RHOJ: variants seen among roughly 807,000 people sequenced by gnomAD.
RHOJ encodes rho-related GTP-binding protein RhoJ.
RHOJ carries 11 observed loss-of-function variants against 23.4 expected under a neutral mutation model. That is an observed-to-expected ratio of 0.47 (90% CI 0.30 to 0.78). The LOEUF (loss-of-function observed/expected upper bound fraction) is 0.78. RHOJ is among the 30% of genes least tolerant of loss of function. The pLI is 0.08. For synonymous variants in RHOJ, 102 were observed against 102.7 expected, an observed-to-expected ratio of 0.99 and a Z score of 0.04; for missense variants, 254 against 273.4, an observed-to-expected ratio of 0.93 and a Z score of 0.50.
chr14:63,283,963 T>C (rs1317725051), intron 4 of RHOJ, among the ~76,000 whole-genome samples: 3 of 152,162 alleles, frequency 2.0e-5, no homozygotes. Flanking sequence ...ACGTGCTTTA[T>C]GCAAGAGGAG....
intron 1 of RHOJ, among the ~76,000 whole-genome samples, chr14:63,231,878 T>A (rs907013499): frequency 6.6e-6 from 1 of 152,228 alleles, no homozygotes; most frequent in Admixed American, 6.5e-5. Flanking sequence ...CTATGCTCAG[T>A]TTCCTATATC....
chr14:63,258,449 AATAT>A (rs35755497), intron 1 of RHOJ, among the ~76,000 whole-genome samples: 4 of 148,822 alleles, frequency 2.7e-5, no homozygotes, highest in African/African-American at 4.9e-5. Flanking sequence ...AACTGTTTAA[AATAT>A]ATATATATAT....
intron 1 of RHOJ, among the ~76,000 whole-genome samples, chr14:63,210,450 G>A (rs562745437): frequency 5.1e-4 from 77 of 152,268 alleles, no homozygotes; most frequent in African/African-American, 1.8e-3. Flanking sequence ...CCTAAGTTCG[G>A]CTGACGGCTA....
chr14:63,240,055 A>T lies in RHOJ; in HGVS notation c.179-29055A>T, dbSNP rs1894856347. On this transcript the variant is annotated intron_variant, in intron 1 of 4. Coordinates refer to ENST00000316754, the MANE Select transcript of RHOJ (RefSeq NM_020663.5). ...TTATATTTTATTTCACATGGTAAAT[A>T]CTCTGTAAATATGGTAGAATGAGAA... is the stretch of plus-strand genomic sequence containing the variant. Among the ~76,000 whole-genome samples, 3 of 152,192 alleles carry T rather than the reference A, an allele frequency of 2.0e-5. No homozygotes were observed. In the South Asian group the frequency reaches 6.2e-4, roughly 32 times the overall value.
chr14:63,286,848 G>C (rs541100142), intron 4 of RHOJ, among the ~76,000 whole-genome samples: 79 of 152,320 alleles, frequency 5.2e-4, no homozygotes, highest in Non-Finnish European at 5.4e-4. Flanking sequence ...CAGCAAATCT[G>C]TCTGGCCTAG....
At chr14:63,216,494 C>A (rs556562112) in intron 1 of RHOJ, among the ~76,000 whole-genome samples, 2 of 152,260 alleles carry the variant, frequency 1.3e-5, no homozygotes, top group Admixed American at 6.5e-5. Flanking sequence ...TGTTCACATT[C>A]ATTAATAATG....
intron 1 of RHOJ, among the ~76,000 whole-genome samples, chr14:63,232,513 T>C (rs1894712880): frequency 6.6e-6 from 1 of 152,134 alleles, no homozygotes. Flanking sequence ...TGCACCCTGG[T>C]TCCTTGCAAG....
At chr14:63,220,067 C>T (rs1385327526) in intron 1 of RHOJ, among the ~76,000 whole-genome samples, 1 of 152,040 alleles carries the variant, frequency 6.6e-6, no homozygotes, top group East Asian at 1.9e-4. Flanking sequence ...AATTATGCTG[C>T]GATGCAAGGG....
Position 63,287,602 on chromosome 14 carries a change from T to G in RHOJ, c.499-3276T>G, listed in dbSNP as rs1444717350. ...TTTTACTTGATTAGTCATTACGGTT[T>G]TTTTTTTTTTTTCTTATCACTCTTG... On this transcript the variant is annotated intron_variant, in intron 4 of 4. Transcript: ENST00000316754. Among the ~76,000 whole-genome samples, 3 of 146,942 alleles carry G rather than the reference T, an allele frequency of 2.0e-5. No individual in the cohort carries two copies. In the East Asian group the frequency reaches 5.8e-4, roughly 28 times the overall value.
At chr14:63,286,639 A>G (rs1882090520) in intron 4 of RHOJ, among the ~76,000 whole-genome samples, 1 of 152,230 alleles carries the variant, frequency 6.6e-6, no homozygotes, top group South Asian at 2.1e-4. Context: ...CTAGCCTCTA[A>G]AAGAAATTCA....
rs193173844 is a variant in RHOJ at position 63,214,607 on chromosome 14, C to T, written c.178+9560C>T. 1.5e-4 allele frequency among the ~76,000 whole-genome samples: 23 copies of T among 152,144 alleles called. No individual in the cohort carries two copies. The East Asian group carries it at 4.1e-3, about 27-fold the overall frequency. On this transcript the variant is annotated intron_variant, in intron 1 of 4. Transcript: ENST00000316754. ...TGTTCTCAAAAAAGATCTGTACCTG[C>T]GGTGGGGGCATAGAGAGCTCCTGGA...
At chr14:63,261,008 A>G (rs1017531528) in intron 1 of RHOJ, among the ~76,000 whole-genome samples, 3 of 152,228 alleles carry the variant, frequency 2.0e-5, no homozygotes, top group Non-Finnish European at 4.4e-5. Context: ...GCTTTGATCT[A>G]TATTGCCAAA....
rs1881877995 is a variant in RHOJ at position 63,280,982 on chromosome 14, C to A, written c.249C>A (p.Asn83Lys). 6.2e-7 allele frequency: 1 copy of A among 1,612,806 alleles called. No homozygotes were observed. Among genetic ancestry groups the A allele is most frequent in the Non-Finnish European group, 8.5e-7 (1 of 1,179,330 alleles). ...TGCTCTTCCCACAGGAGGACTACAACCAGCTGAGGCCACTCTCCTACCCCA... is the reference window on the plus strand; with the variant it reads ...TGCTCTTCCCACAGGAGGACTACAAACAGCTGAGGCCACTCTCCTACCCCA... ...LYDTAGQEDYNQLRPLSYPNT... is the reference protein window; with the variant it reads ...LYDTAGQEDYKQLRPLSYPNT... The change falls in exon 3 of 5, where the codon AAC becomes AAA. Residue 83 changes from asparagine (N) to lysine (K), a missense_variant. By Grantham distance (94) the Asn-to-Lys change is moderately conservative. Coordinates refer to ENST00000316754, the MANE Select transcript of RHOJ (RefSeq NM_020663.5).
intron 1 of RHOJ, among the ~76,000 whole-genome samples, chr14:63,263,682 C>T (rs1402106510): frequency 1.3e-5 from 2 of 152,210 alleles, no homozygotes; most frequent in African/African-American, 4.8e-5. Context: ...CCCATAATGG[C>T]ATCCTCCCTT....
At chr14:63,237,749 T>C (rs1894814725) in intron 1 of RHOJ, among the ~76,000 whole-genome samples, 1 of 152,274 alleles carries the variant, frequency 6.6e-6, no homozygotes, top group Non-Finnish European at 1.5e-5. Flanking sequence ...TAAAGTTTGA[T>C]TTTTTATGAA....
At chr14:63,252,422 G>A (rs10138015) in intron 1 of RHOJ, among the ~76,000 whole-genome samples, 56,926 of 152,076 alleles carry the variant, frequency 0.37, 15,027 homozygotes, top group African/African-American at 0.74. Flanking sequence ...ACTGTCTACT[G>A]ATTCAGTATC....
intron 2 of RHOJ, among the ~76,000 whole-genome samples, chr14:63,278,963 G>C (rs949568624): frequency 2.6e-5 from 4 of 152,178 alleles, no homozygotes; most frequent in Non-Finnish European, 5.9e-5. Flanking sequence ...TCCAGCCTGG[G>C]CAATAGATTG....
At chr14:63,270,505 C>G (rs1049884053) in intron 2 of RHOJ, among the ~76,000 whole-genome samples, 4 of 152,174 alleles carry the variant, frequency 2.6e-5, no homozygotes, top group African/African-American at 9.7e-5. Context: ...GGAGGCCCCC[C>G]ATGTGCTCCA....
intron 1 of RHOJ, among the ~76,000 whole-genome samples, chr14:63,219,253 G>A (rs1894431939): frequency 6.6e-6 from 1 of 152,046 alleles, no homozygotes; most frequent in Admixed American, 6.5e-5. Flanking sequence ...CATTTTGAGG[G>A]TGAAAAGGGT....
Sources: gnomAD v4.1 joint callset for allele counts (sites outside exome capture counted in the v4.1 genomes callset) on GRCh38, gnomAD v4.1.1 for gene constraint, MANE v1.5 for transcripts, NCBI Gene and HGNC (gene_info 2026-07-23, HGNC 2026-07-21) for gene names.